The following GLP2R variants were observed in gnomAD, a reference collection of about 807,000 sequenced individuals.
The protein encoded by GLP2R is glucagon-like peptide 2 receptor.
Under a neutral mutation model 68.2 loss-of-function variants are expected in GLP2R, and 59 were observed. The observed-to-expected ratio is 0.87, with a 90% CI of 0.70 to 1.07. The LOEUF (loss-of-function observed/expected upper bound fraction) is 1.07, where lower values mean the gene tolerates loss of function less well. Among genes scored for constraint, GLP2R ranks in the 50% least tolerant of loss-of-function variants. The pLI is 0.00. For missense variants in GLP2R, 548 were observed against 677.4 expected (o/e 0.81, Z 2.12); for synonymous variants, 270 against 265.4 (o/e 1.02, Z -0.17).
Position 9,857,472 on chromosome 17 carries a change from T to C in GLP2R, c.661T>C (p.Phe221Leu). The C allele has an allele frequency of 1.2e-6, 2 of 1,614,222 alleles. No individual in the cohort carries two copies. Among genetic ancestry groups the C allele is most frequent in the Non-Finnish European group, 1.7e-6 (2 of 1,180,034 alleles). Residue 221 changes from phenylalanine (F) to leucine (L), a missense_variant, in exon 6 of 13, where the codon TTC (phenylalanine) becomes CTC (leucine). Phe to Leu is a conservative substitution (Grantham distance 22). Transcript: ENST00000262441. ...CATCCACATGAACTTGTTTGCTTCT[T>C]TCATCCTGAGAACCCTGGCTGTACT... ...NYIHMNLFASFILRTLAVLVK... is the reference protein window; with the variant it reads ...NYIHMNLFASLILRTLAVLVK...
chr17:9,852,748 T>A, intron 4 of GLP2R: 1 of 251,134 alleles, frequency 4.0e-6, no homozygotes, highest in Non-Finnish European at 7.8e-6. Flanking sequence ...TTTCATAGAT[T>A]TCTCCACTGC....
rs371736792 is a variant in GLP2R, at chr17:9,842,528, C to T, written c.416C>T (p.Ala139Val). Residue 139 changes from alanine (A) to valine (V), a missense_variant, in exon 4 of 13, where the codon GCT becomes GTT. Physicochemically the swap from Ala to Val is moderately conservative, Grantham distance 64. Transcript: ENST00000262441. ...GGAAGGGCCTACAGACACTGCTTGGCTCAGGGGACTTGGCAGACGATAGAG... is the reference window on the plus strand; with the variant it reads ...GGAAGGGCCTACAGACACTGCTTGGTTCAGGGGACTTGGCAGACGATAGAG... The part of the protein sequence containing the change: ...SSGRAYRHCL[A>V]QGTWQTIENA... 1.9e-6 allele frequency: 3 copies of T among 1,614,030 alleles called. No homozygotes were observed. In the African/African-American group the frequency reaches 4.0e-5, roughly 22 times the overall value.
intron 6 of GLP2R, among the ~76,000 whole-genome samples, chr17:9,858,035 C>T (rs946566568): frequency 6.6e-6 from 1 of 152,122 alleles, no homozygotes; most frequent in East Asian, 1.9e-4. Context: ...ATTCACATAG[C>T]GTTTACATTG....
chr17:9,886,566 C>G (rs2067245902), intron 11 of GLP2R, among the ~76,000 whole-genome samples: 1 of 152,214 alleles, frequency 6.6e-6, no homozygotes, highest in South Asian at 2.1e-4. Context: ...AACCTCTGAC[C>G]AGATTGCATG....
chr17:9,889,937 T>A lies in GLP2R; in HGVS notation c.*232T>A. 1.7e-6 allele frequency: 1 copy of A among 601,212 alleles called. No individual in the cohort carries two copies. The highest frequency in any genetic ancestry group is 3.1e-6 in the Non-Finnish European group (1 of 320,814). 37.2% of individuals were successfully genotyped at this position (601,212 alleles called of 1,614,324 possible). A position where few individuals can be genotyped will look rare whatever the true frequency, so the allele number is the denominator to read the frequency against. On this transcript the variant is annotated 3_prime_UTR_variant, in exon 13 of 13. Coordinates refer to ENST00000262441, the MANE Select transcript of GLP2R (RefSeq NM_004246.3). Reference sequence around the variant, plus strand: ...CATCCTAATAACCCCCACCAGTGTGTTTTCCACAATGCCCACCAGACCCTA... The same window carrying A: ...CATCCTAATAACCCCCACCAGTGTGATTTCCACAATGCCCACCAGACCCTA...
chr17:9,865,521 C>G (rs981028809), intron 9 of GLP2R, among the ~76,000 whole-genome samples: 1 of 152,134 alleles, frequency 6.6e-6, no homozygotes, highest in Non-Finnish European at 1.5e-5. Context: ...GAGTCATTCC[C>G]TCTCTACTCA....
rs138435516 is a variant in GLP2R, at chr17:9,853,750, G to A, written c.505-745G>A. On this transcript the variant is annotated intron_variant, in intron 4 of 12. Coordinates refer to ENST00000262441, the MANE Select transcript of GLP2R (RefSeq NM_004246.3). ...AAATTCTCTCACAGAGAAAAACCTCGGACCTATTTAACTCCAATGGTGAAT... is the reference window on the plus strand; with the variant it reads ...AAATTCTCTCACAGAGAAAAACCTCAGACCTATTTAACTCCAATGGTGAAT... 1.1e-3 allele frequency among the ~76,000 whole-genome samples: 165 copies of A among 152,004 alleles called. 2 individuals are homozygous for A. The highest frequency in any genetic ancestry group is 3.5e-3 in the African/African-American group (146 of 41,444).
chr17:9,871,726 T>TC (rs1177194588), intron 10 of GLP2R, among the ~76,000 whole-genome samples: 3 of 140,496 alleles, frequency 2.1e-5, no homozygotes, highest in East Asian at 4.0e-4. Context: ...TCTTTCTTTT[T>TC]TTTTTTTTTT....
intron 2 of GLP2R, 72 bp downstream of exon 2, chr17:9,833,966 C>A: frequency 1.1e-6 from 1 of 912,144 alleles, no homozygotes; most frequent in Non-Finnish European, 1.8e-6. Flanking sequence ...AAAACAATAA[C>A]TAGTCACTTA....
chr17:9,842,418 T>G, intron 3 of GLP2R, 77 bp from the exon 4 acceptor site: 1 of 1,570,738 alleles, frequency 6.4e-7, no homozygotes, highest in Non-Finnish European at 8.7e-7. Flanking sequence ...CCCTGGGATT[T>G]TCCACAGCTC....
chr17:9,833,522 A>G (rs1208602064), intron 1 of GLP2R, among the ~76,000 whole-genome samples: 1 of 152,226 alleles, frequency 6.6e-6, no homozygotes, highest in African/African-American at 2.4e-5. Context: ...AGGATGCAAA[A>G]GTTTAGGATA....
intron 10 of GLP2R, among the ~76,000 whole-genome samples, chr17:9,879,951 CT>C (rs1312743469): frequency 3.9e-5 from 6 of 152,146 alleles, no homozygotes; most frequent in African/African-American, 1.4e-4. Context: ...CATGGTAACA[CT>C]GGAAATACTG....
At chr17:9,827,177 GTT>G (rs201953506) in intron 1 of GLP2R, among the ~76,000 whole-genome samples, 1 of 148,354 alleles carries the variant, frequency 6.7e-6, no homozygotes, top group East Asian at 2.0e-4. Context: ...CCTACATACA[GTT>G]TTTTTTTTTA....
intron 3 of GLP2R, among the ~76,000 whole-genome samples, chr17:9,842,275 T>C (rs1197400919): frequency 6.6e-6 from 1 of 152,192 alleles, no homozygotes; most frequent in Non-Finnish European, 1.5e-5. Flanking sequence ...CCAGAGACTT[T>C]GGGTAAACAC....
chr17:9,846,530 A>T (rs1239672999), intron 4 of GLP2R, among the ~76,000 whole-genome samples: 1 of 152,182 alleles, frequency 6.6e-6, no homozygotes, highest in Non-Finnish European at 1.5e-5. Context: ...ATGTGGGAGG[A>T]TCACTTAAGC....
Position 9,826,042 on chromosome 17 carries a change from C to T in GLP2R, c.-22C>T. ...GGACGGCTAGAGAGATGTACCCCTACTTGTGAAGGTGCACGAGGAAGATGA... is the reference window on the plus strand; with the variant it reads ...GGACGGCTAGAGAGATGTACCCCTATTTGTGAAGGTGCACGAGGAAGATGA... On this transcript the variant is annotated 5_prime_UTR_variant, in exon 1 of 13. Coordinates refer to ENST00000262441, the MANE Select transcript of GLP2R (RefSeq NM_004246.3). 1 of 1,602,422 alleles carries T rather than the reference C, an allele frequency of 6.2e-7. No individual in the cohort carries two copies. Among genetic ancestry groups the T allele is most frequent in the South Asian group, 1.1e-5 (1 of 89,288 alleles).
At chr17:9,832,534 C>G (rs902190124) in intron 1 of GLP2R, among the ~76,000 whole-genome samples, 2 of 152,126 alleles carry the variant, frequency 1.3e-5, no homozygotes, top group East Asian at 3.9e-4. Flanking sequence ...TGCACTCCAG[C>G]CTGGGTGACA....
chr17:9,838,522 ACTGT>A (rs1261257796), intron 3 of GLP2R, among the ~76,000 whole-genome samples: 1 of 152,102 alleles, frequency 6.6e-6, no homozygotes, highest in Non-Finnish European at 1.5e-5. Context: ...CTCTCTGCTC[ACTGT>A]CTACCTGTCC....
At chr17:9,866,443 C>T (rs1567731659) in intron 9 of GLP2R, 1 of 154,260 alleles carries the variant, frequency 6.5e-6, no homozygotes, top group African/African-American at 2.4e-5. Flanking sequence ...AGAACCACCC[C>T]CAGAATAAAT....
Sources: gnomAD v4.1 joint callset for allele counts (sites outside exome capture counted in the v4.1 genomes callset) on GRCh38, gnomAD v4.1.1 for gene constraint, MANE v1.5 for transcripts, NCBI Gene and HGNC (gene_info 2026-07-23, HGNC 2026-07-21) for gene names.